The following NFIB variants were observed in gnomAD, a reference collection of about 807,000 sequenced individuals.
NFIB encodes the protein nuclear factor 1 B-type.
NFIB carries 11 observed loss-of-function variants against 61.5 expected under a neutral mutation model. The observed-to-expected ratio is 0.18, with a 90% CI of 0.11 to 0.30. The LOEUF is 0.30. NFIB is among the 10% of genes least tolerant of loss of function. The probability of loss-of-function intolerance (pLI) is 1.00; values close to 1 mark genes in which losing one functional copy is unlikely to be tolerated. For missense variants in NFIB, 471 were observed against 608.9 expected, an observed-to-expected ratio of 0.77 and a Z score of 2.38; for synonymous variants, 260 against 216.5, an observed-to-expected ratio of 1.20 and a Z score of -1.76.
the NFIB span, among the ~76,000 whole-genome samples, chr9:14,523,524 C>T: frequency 6.6e-6 from 1 of 151,972 alleles, no homozygotes; most frequent in African/African-American, 2.4e-5. Context: ...TTCCCGACAT[C>T]GCCATAAATG....
At chr9:14,308,930 T>G (rs997199201) in intron 1 of NFIB, among the ~76,000 whole-genome samples, 10 of 152,168 alleles carry the variant, frequency 6.6e-5, no homozygotes, top group Non-Finnish European at 1.3e-4. Context: ...CTTATAAGCT[T>G]AGGCCTATTA....
chr9:14,402,996 T>C (rs1162842290), upstream of NFIB, among the ~76,000 whole-genome samples: 1 of 152,224 alleles, frequency 6.6e-6, no homozygotes, highest in Non-Finnish European at 1.5e-5. Context: ...CCAGGAGGTA[T>C]TTGAAATACT....
intron 10 of NFIB, among the ~76,000 whole-genome samples, chr9:14,097,864 C>CTTT (rs1554630153): frequency 1.0e-4 from 11 of 107,758 alleles, no homozygotes; most frequent in Admixed American, 2.8e-4. Context: ...TTTTTTCTTT[C>CTTT]TTTCTTTTTT....
intron 2 of NFIB, among the ~76,000 whole-genome samples, chr9:14,187,525 T>C (rs1300821462): frequency 6.6e-6 from 1 of 152,208 alleles, no homozygotes; most frequent in Non-Finnish European, 1.5e-5. Context: ...CATGATAAAG[T>C]AATTTCATTA....
At chr9:14,426,122 C>T in the NFIB span, among the ~76,000 whole-genome samples, 2 of 152,124 alleles carry the variant, frequency 1.3e-5, no homozygotes, top group Admixed American at 6.6e-5. Context: ...ATTGAGTTTT[C>T]CCAAATCCTC....
At chr9:14,151,171 G>A (rs2042828930) in intron 4 of NFIB, among the ~76,000 whole-genome samples, 1 of 152,124 alleles carries the variant, frequency 6.6e-6, no homozygotes, top group Admixed American at 6.6e-5. Flanking sequence ...GTAGTGATAA[G>A]AGCCTAGAAT....
At chr9:14,418,107 C>T in the NFIB span, among the ~76,000 whole-genome samples, 6 of 152,018 alleles carry the variant, frequency 3.9e-5, no homozygotes, top group African/African-American at 7.2e-5. Context: ...AACAAGCACC[C>T]CAGGAAGTGT....
At chr9:14,128,238 A>G (rs1024506716) in intron 6 of NFIB, among the ~76,000 whole-genome samples, 4 of 152,150 alleles carry the variant, frequency 2.6e-5, no homozygotes, top group African/African-American at 9.7e-5. Context: ...GCCATTCCAA[A>G]TTTTTAATTT....
chr9:14,137,027 C>A (rs1232898539), intron 6 of NFIB, among the ~76,000 whole-genome samples: 1 of 152,234 alleles, frequency 6.6e-6, no homozygotes, highest in African/African-American at 2.4e-5. Flanking sequence ...TTTTAGAAAT[C>A]ATGTGAAATT....
chr9:14,237,268 T>C (rs34997120), intron 2 of NFIB, among the ~76,000 whole-genome samples: 3,206 of 152,336 alleles, frequency 0.021, 39 homozygotes, highest in African/African-American at 0.036. Context: ...CAATGCTCTC[T>C]TTAGAGCCAA....
intron 1 of NFIB, among the ~76,000 whole-genome samples, chr9:14,388,332 G>A (rs1463426737): frequency 3.5e-5 from 4 of 115,566 alleles, no homozygotes; most frequent in East Asian, 5.3e-4. Context: ...CTGTGATGAC[G>A]CCACAGAATG....
intron 3 of NFIB, among the ~76,000 whole-genome samples, chr9:14,172,377 C>T (rs2045660923): frequency 6.6e-6 from 1 of 151,900 alleles, no homozygotes; most frequent in Non-Finnish European, 1.5e-5. Context: ...AAAGGACAGA[C>T]AGAAGTTTCA....
the NFIB span, among the ~76,000 whole-genome samples, chr9:14,486,305 G>A: frequency 6.6e-6 from 1 of 152,134 alleles, no homozygotes; most frequent in South Asian, 2.1e-4. Flanking sequence ...GCCATCTTTT[G>A]AAACATTAGG....
chr9:14,259,232 G>C (rs2056514343), intron 2 of NFIB, among the ~76,000 whole-genome samples: 1 of 152,194 alleles, frequency 6.6e-6, no homozygotes, highest in Non-Finnish European at 1.5e-5. Flanking sequence ...TCAATTGCTT[G>C]TGGTGGTGAT....
the NFIB span, among the ~76,000 whole-genome samples, chr9:14,404,782 T>C: frequency 2.6e-5 from 4 of 152,194 alleles, no homozygotes; most frequent in Non-Finnish European, 4.4e-5. Flanking sequence ...GGTGTGACAG[T>C]AGCAGCAAGA....
At chr9:14,166,938 A>G (rs983156060) in intron 3 of NFIB, among the ~76,000 whole-genome samples, 1 of 152,136 alleles carries the variant, frequency 6.6e-6, no homozygotes, top group Admixed American at 6.5e-5. Context: ...CACTTTTCGT[A>G]TAAGTCTTCT....
chr9:14,282,547 T>C (rs2058440455), intron 2 of NFIB, among the ~76,000 whole-genome samples: 1 of 152,240 alleles, frequency 6.6e-6, no homozygotes, highest in African/African-American at 2.4e-5. Flanking sequence ...GAAATGGCAG[T>C]TGATAAACAT....
At chr9:14,164,591 C>T (rs1302135854) in intron 3 of NFIB, among the ~76,000 whole-genome samples, 3 of 152,098 alleles carry the variant, frequency 2.0e-5, no homozygotes, top group Non-Finnish European at 2.9e-5. Flanking sequence ...AAAAAGAAGA[C>T]ATAACCATAG....
intron 2 of NFIB, among the ~76,000 whole-genome samples, chr9:14,250,516 C>T (rs914426961): frequency 1.3e-5 from 2 of 152,230 alleles, no homozygotes; most frequent in Non-Finnish European, 2.9e-5. Flanking sequence ...TTGGCTACTA[C>T]ATCCCCACAG....
Sources: allele counts gnomAD v4.1 joint callset (sites outside exome capture counted in the v4.1 genomes callset), GRCh38; gene constraint gnomAD v4.1.1; transcripts MANE v1.5; gene names NCBI Gene and HGNC (gene_info 2026-07-23, HGNC 2026-07-21).